Variants in DOCK1 observed in about 807,000 individuals in gnomAD.
DOCK1 encodes the protein dedicator of cytokinesis 1, also known as dedicator of cytokinesis protein 1.
A neutral mutation model predicts 262.7 loss-of-function variants in DOCK1; 138 were observed. The ratio of observed to expected loss-of-function variants is 0.53; its 90% confidence interval spans 0.46 to 0.61. The LOEUF (loss-of-function observed/expected upper bound fraction) is 0.61, where lower values mean the gene tolerates loss of function less well. Ranked by LOEUF, DOCK1 falls within the 20% of genes least tolerant of loss-of-function variation. The probability of loss-of-function intolerance (pLI) is 0.00; values close to 1 mark genes in which losing one functional copy is unlikely to be tolerated. For missense variants in DOCK1, 1,908 were observed against 2,370.7 expected, an observed-to-expected ratio of 0.80 and a Z score of 4.05; for synonymous variants, 866 against 867.4, an observed-to-expected ratio of 1.00 and a Z score of 0.03.
At chr10:127,321,461 G>A (rs1162396267) in intron 29 of DOCK1, among the ~76,000 whole-genome samples, 1 of 147,898 alleles carries the variant, frequency 6.8e-6, no homozygotes, top group African/African-American at 2.5e-5. Flanking sequence ...TCTCTCTTCA[G>A]TGCTCTCTCA....
At chr10:127,117,681 T>C (rs1422420620) in intron 25 of DOCK1, among the ~76,000 whole-genome samples, 1 of 152,212 alleles carries the variant, frequency 6.6e-6, no homozygotes, top group Non-Finnish European at 1.5e-5. Flanking sequence ...CTGGGTGGGC[T>C]TCTGTTCCTG....
At chr10:127,170,254 A>G (rs2054441643) in intron 27 of DOCK1, among the ~76,000 whole-genome samples, 1 of 152,130 alleles carries the variant, frequency 6.6e-6, no homozygotes. Flanking sequence ...GCTCTGAATT[A>G]GTAAAGTCAC....
At chr10:127,440,399 G>A (rs985379722) in intron 49 of DOCK1, among the ~76,000 whole-genome samples, 4 of 152,120 alleles carry the variant, frequency 2.6e-5, no homozygotes, top group Non-Finnish European at 5.9e-5. Context: ...ATGAGGCACA[G>A]CCCACTTCCA....
At chr10:127,042,494 C>T (rs1473096058) in intron 19 of DOCK1, 131 bp from the exon 20 acceptor site, 10 of 730,106 alleles carry the variant, frequency 1.4e-5, no homozygotes, top group South Asian at 4.1e-5. Context: ...TGAAAAGGAT[C>T]CCGAATGGCT....
At chr10:127,448,982 C>T (rs2070780621) in intron 51 of DOCK1, among the ~76,000 whole-genome samples, 1 of 152,004 alleles carries the variant, frequency 6.6e-6, no homozygotes, top group Non-Finnish European at 1.5e-5. Context: ...CCCTTTGTAT[C>T]AGAAAACTAA....
intron 10 of DOCK1, among the ~76,000 whole-genome samples, chr10:127,003,595 T>C (rs993321544): frequency 6.6e-6 from 1 of 152,110 alleles, no homozygotes; most frequent in African/African-American, 2.4e-5. Context: ...CACTGAGCCT[T>C]TGTGGCCTCT....
intron 1 of DOCK1, among the ~76,000 whole-genome samples, chr10:126,925,705 T>A (rs1444553719): frequency 6.7e-6 from 1 of 149,540 alleles, no homozygotes; most frequent in African/African-American, 2.5e-5. Context: ...TCTAAACACA[T>A]ACACACACAT....
At chr10:127,092,758 C>T (rs886774286) in intron 23 of DOCK1, among the ~76,000 whole-genome samples, 1 of 152,204 alleles carries the variant, frequency 6.6e-6, no homozygotes, top group Non-Finnish European at 1.5e-5. Flanking sequence ...GCTGGGATTA[C>T]AGGCGTGAGC....
intron 1 of DOCK1, among the ~76,000 whole-genome samples, chr10:126,931,659 C>T (rs2034196611): frequency 6.6e-6 from 1 of 152,166 alleles, no homozygotes; most frequent in Non-Finnish European, 1.5e-5. Context: ...GCTCCACATT[C>T]CCATGTATTT....
chr10:127,429,450 A>G (rs1401594897), intron 47 of DOCK1, among the ~76,000 whole-genome samples: 1 of 152,112 alleles, frequency 6.6e-6, no homozygotes, highest in Non-Finnish European at 1.5e-5. Context: ...ACTTGCAATC[A>G]TCTCAGAGCA....
At chr10:127,125,081 C>A (rs1012098731) in intron 25 of DOCK1, among the ~76,000 whole-genome samples, 1 of 152,168 alleles carries the variant, frequency 6.6e-6, no homozygotes, top group Non-Finnish European at 1.5e-5. Context: ...CACACCACGG[C>A]ACTCCAGCCT....
At chr10:126,998,474 G>C (rs113150107) in intron 8 of DOCK1, 476 of 490,586 alleles carry the variant, frequency 9.7e-4, no homozygotes, top group African/African-American at 8.3e-3. Flanking sequence ...TTTGCTCGTA[G>C]AGTTATAGCA....
chr10:127,093,344 C>G (rs578202026), intron 23 of DOCK1, among the ~76,000 whole-genome samples: 1 of 146,558 alleles, frequency 6.8e-6, no homozygotes, highest in East Asian at 2.0e-4. Context: ...CTTCCAGGCT[C>G]AAGTAATCCT....
At chr10:126,986,435 C>G (rs1436487626) in intron 4 of DOCK1, among the ~76,000 whole-genome samples, 2 of 152,214 alleles carry the variant, frequency 1.3e-5, no homozygotes, top group Non-Finnish European at 2.9e-5. Context: ...CTTGCCTGTT[C>G]AGGACACACA....
chr10:127,440,437 C>T (rs1328867394), intron 49 of DOCK1, among the ~76,000 whole-genome samples: 1 of 152,104 alleles, frequency 6.6e-6, no homozygotes, highest in African/African-American at 2.4e-5. Context: ...AAAGTGCTAG[C>T]TGTAGTGGGA....
At chr10:127,401,260 G>T (rs1368904600) in intron 38 of DOCK1, among the ~76,000 whole-genome samples, 1 of 152,172 alleles carries the variant, frequency 6.6e-6, no homozygotes, top group East Asian at 1.9e-4. Context: ...CCACGTGGCG[G>T]TGTTACTGGC....
rs188529889 is a variant in DOCK1 at position 127,361,361 on chromosome 10, G to A, written c.3284-703G>A. On this transcript the variant is annotated intron_variant, in intron 32 of 51. Coordinates refer to ENST00000623213, the MANE Select transcript of DOCK1 (RefSeq NM_001290223.2). ...GATCTCCTGACCTCGTGATCTGCCCGCCTTGGCCTCCCAAAGTGCTGGGAT... is the reference window on the plus strand; with the variant it reads ...GATCTCCTGACCTCGTGATCTGCCCACCTTGGCCTCCCAAAGTGCTGGGAT... Among the ~76,000 whole-genome samples, 776 of 152,088 alleles carry A rather than the reference G, an allele frequency of 5.1e-3. 6 individuals carry two copies. The highest frequency in any genetic ancestry group is 0.017 in the African/African-American group (717 of 41,504).
chr10:127,031,830 C>A, intron 17 of DOCK1, 77 bp downstream of exon 17: 1 of 1,289,890 alleles, frequency 7.8e-7, no homozygotes, highest in Non-Finnish European at 1.1e-6. Flanking sequence ...CTGGACCAAC[C>A]TTTCCCATCA....
At chr10:127,405,940 T>C (rs1370551141) in intron 40 of DOCK1, among the ~76,000 whole-genome samples, 1 of 152,174 alleles carries the variant, frequency 6.6e-6, no homozygotes, top group African/African-American at 2.4e-5. Context: ...AGTTACAAGC[T>C]CTAAATTAGA....
Sources: allele counts gnomAD v4.1 joint callset (sites outside exome capture counted in the v4.1 genomes callset), GRCh38; gene constraint gnomAD v4.1.1; transcripts MANE v1.5; gene names NCBI Gene and HGNC (gene_info 2026-07-23, HGNC 2026-07-21).